Variants in XKR7 observed in about 807,000 individuals in gnomAD.
XKR7 encodes XK related 7.
In XKR7, 11 loss-of-function variants were observed where a neutral mutation model predicts 42.2. The observed-to-expected ratio is 0.26, with a 90% CI of 0.16 to 0.43. XKR7 has a LOEUF of 0.43. Ranked by LOEUF, XKR7 falls within the 20% of genes least tolerant of loss-of-function variation. The pLI is 1.00. For missense variants in XKR7, 710 were observed against 802.2 expected (o/e 0.89, Z 1.39); for synonymous variants, 346 against 366.4 (o/e 0.94, Z 0.64).
At chr20:31,990,881 G>T (rs1262509127) in intron 1 of XKR7, among the ~76,000 whole-genome samples, 1 of 151,944 alleles carries the variant, frequency 6.6e-6, no homozygotes, top group Admixed American at 6.6e-5. Context: ...CCACAGTTTT[G>T]CTCCTGTTGC....
intron 1 of XKR7, chr20:31,970,639 G>A (rs2064461067): frequency 6.6e-6 from 1 of 152,168 alleles, no homozygotes. Flanking sequence ...TAAAAACCCA[G>A]AGTCGTAGCT....
chr20:31,990,920 G>A (rs2064567853), intron 1 of XKR7, among the ~76,000 whole-genome samples: 1 of 152,124 alleles, frequency 6.6e-6, no homozygotes, highest in African/African-American at 2.4e-5. Flanking sequence ...GCAGAACCCA[G>A]GCCTTTTATC....
At chr20:31,984,325 C>T (rs2064527617) in intron 1 of XKR7, among the ~76,000 whole-genome samples, 1 of 151,528 alleles carries the variant, frequency 6.6e-6, no homozygotes, top group South Asian at 2.1e-4. Flanking sequence ...GATCCCCCTG[C>T]TGTTGTGTGA....
At chr20:31,979,177 C>T (rs2064499808) in intron 1 of XKR7, among the ~76,000 whole-genome samples, 1 of 151,648 alleles carries the variant, frequency 6.6e-6, no homozygotes, top group Non-Finnish European at 1.5e-5. Flanking sequence ...ACTGCTATCA[C>T]ACCTACAAAA....
At chr20:31,994,358 C>T (rs913799882) in intron 1 of XKR7, among the ~76,000 whole-genome samples, 1 of 152,162 alleles carries the variant, frequency 6.6e-6, no homozygotes, top group African/African-American at 2.4e-5. Flanking sequence ...TCTACTGCTT[C>T]CTAGCTGTGT....
chr20:31,983,402 G>T (rs1240778885), intron 1 of XKR7, among the ~76,000 whole-genome samples: 5 of 152,228 alleles, frequency 3.3e-5, no homozygotes, highest in Non-Finnish European at 4.4e-5. Context: ...GGGGTTACAG[G>T]CAGTGGTGAG....
chr20:31,971,559 C>T (rs977994396), intron 1 of XKR7, among the ~76,000 whole-genome samples: 2 of 152,174 alleles, frequency 1.3e-5, no homozygotes, highest in Non-Finnish European at 2.9e-5. Flanking sequence ...CATTTGCTTA[C>T]CACGTGAGAT....
At position 31,968,877 on chromosome 20, in the gene XKR7, C is replaced by A. The variant is rs148758252; in HGVS notation, c.584+118C>A. On this transcript the variant is annotated intron_variant, in intron 1 of 2. Transcript: ENST00000562532. This position sits in a 1 kb window ranked among gnomAD's most constrained non-coding sequence, Gnocchi z 4.5. Reference sequence around the variant, plus strand: ...CTACCCTCCTGTCCTGACCTCCCCCCCTCCCCACCCCATTGCAGCTCTAAT... The same window carrying A: ...CTACCCTCCTGTCCTGACCTCCCCCACTCCCCACCCCATTGCAGCTCTAAT... 39 of 1,381,316 alleles carry A rather than the reference C, an allele frequency of 2.8e-5. No homozygotes were observed. The highest frequency in any genetic ancestry group is 2.6e-4 in the Middle Eastern group (1 of 3,778). The allele number at this position is 1,381,316 out of a possible 1,614,324, so 85.6% of individuals were successfully genotyped here.
chr20:31,987,586 A>C (rs1223244502), intron 1 of XKR7, among the ~76,000 whole-genome samples: 1 of 152,058 alleles, frequency 6.6e-6, no homozygotes, highest in Non-Finnish European at 1.5e-5. Flanking sequence ...CCCCAGTATC[A>C]AGACACAGAC....
At chr20:31,976,326 A>G (rs1477354748) in intron 1 of XKR7, among the ~76,000 whole-genome samples, 1 of 152,252 alleles carries the variant, frequency 6.6e-6, no homozygotes, top group Non-Finnish European at 1.5e-5. Context: ...ATTCTTACAA[A>G]CAATCAATCA....
At position 31,968,270 on chromosome 20, in the gene XKR7, A is replaced by AGGCGGC; in HGVS notation, c.105_110dup (p.Ala36_Ala37dup). 2 of 1,157,112 alleles carry AGGCGGC rather than the reference A, an allele frequency of 1.7e-6. No individual in the cohort carries two copies. The highest frequency in any genetic ancestry group is 2.1e-6 in the Non-Finnish European group (2 of 941,290). The allele number at this position is 1,157,112 out of a possible 1,614,324, so 71.7% of individuals were successfully genotyped here. A position where few individuals can be genotyped will look rare whatever the true frequency, so the allele number is the denominator to read the frequency against. ...CGGGGCAGTGCCGGCGGGCGCGGGG[A>AGGCGGC]GGCGGCGGCGGCGGCCGGGCCCCCG... On this transcript the variant is annotated inframe_insertion, in exon 1 of 3. Transcript: ENST00000562532. This position sits in a 1 kb window ranked among gnomAD's most constrained non-coding sequence, Gnocchi z 4.5.
chr20:31,976,793 C>T (rs757278667), intron 1 of XKR7, among the ~76,000 whole-genome samples: 1 of 152,196 alleles, frequency 6.6e-6, no homozygotes, highest in Non-Finnish European at 1.5e-5. Flanking sequence ...TCCTTTTTAC[C>T]CCACAGCACT....
intron 1 of XKR7, among the ~76,000 whole-genome samples, chr20:31,984,067 G>A (rs1005216980): frequency 6.6e-6 from 1 of 151,752 alleles, no homozygotes; most frequent in Non-Finnish European, 1.5e-5. Context: ...TTTGAGACCA[G>A]CCTGACCAAC....
rs562612442 is a variant in XKR7, at chr20:31,980,872, G to A, written c.584+12113G>A. 3.4e-4 allele frequency among the ~76,000 whole-genome samples: 51 copies of A among 151,884 alleles called. No individual in the cohort carries two copies. In the South Asian group the frequency reaches 3.5e-3, roughly 11 times the overall value. On this transcript the variant is annotated intron_variant, in intron 1 of 2. Transcript: ENST00000562532. ...AGCTCAGGAGTTCGAGACCAGCCTG[G>A]GCAACGTAGAGAGACCTTATCTCTA...
chr20:31,997,608 A>T lies in XKR7; in HGVS notation c.*151A>T. The T allele has an allele frequency of 1.3e-6, 1 of 763,476 alleles. No individual in the cohort carries two copies. The highest frequency in any genetic ancestry group is 1.9e-5 in the South Asian group (1 of 52,584). 47.3% of individuals were successfully genotyped at this position (763,476 alleles called of 1,614,324 possible). On this transcript the variant is annotated 3_prime_UTR_variant, in exon 3 of 3. Coordinates refer to ENST00000562532, the MANE Select transcript of XKR7 (RefSeq NM_001011718.2). ...CCCCACTCTTGGGTTCTTTCAGGGG[A>T]GGGGGCAGCCTTGCGGAGGCCCCAG... is the stretch of plus-strand genomic sequence containing the variant.
rs1397104173 is a variant in XKR7, at chr20:31,999,832, C to T, written c.*2375C>T. 1 of 152,270 alleles carries T rather than the reference C, an allele frequency of 6.6e-6. No homozygotes were observed. The highest frequency in any genetic ancestry group is 1.5e-5 in the Non-Finnish European group (1 of 68,114). The allele number at this position is 152,270 out of a possible 1,614,324, so 9.4% of individuals were successfully genotyped here. On this transcript the variant is annotated 3_prime_UTR_variant, in exon 3 of 3. Transcript: ENST00000562532. ...ACCCTTGGCAAGTTATTCTCCTCCC[C>T]AGTATCCCAGAATGGCCCATCTGGC...
At position 32,000,968 on chromosome 20, in the gene XKR7, C is replaced by T. The variant is rs996923147; in HGVS notation, c.*3511C>T. ...AATCTGCCTTACCCCCAGCCAGCTCCCTGCTACACCTGTGTCCCACAGAGG... is the reference window on the plus strand; with the variant it reads ...AATCTGCCTTACCCCCAGCCAGCTCTCTGCTACACCTGTGTCCCACAGAGG... On this transcript the variant is annotated 3_prime_UTR_variant, in exon 3 of 3. Coordinates refer to ENST00000562532, the MANE Select transcript of XKR7 (RefSeq NM_001011718.2). 6.6e-6 allele frequency: 1 copy of T among 152,378 alleles called. No individual in the cohort carries two copies. Among genetic ancestry groups the T allele is most frequent in the African/African-American group, 2.4e-5 (1 of 41,472 alleles). The allele number at this position is 152,378 out of a possible 1,614,324, so 9.4% of individuals were successfully genotyped here. A position where few individuals can be genotyped will look rare whatever the true frequency, so the allele number is the denominator to read the frequency against.
chr20:31,984,649 C>T (rs1330027432), intron 1 of XKR7, among the ~76,000 whole-genome samples: 1 of 152,188 alleles, frequency 6.6e-6, no homozygotes, highest in Non-Finnish European at 1.5e-5. Context: ...TGCCTGTCTC[C>T]CAGTTTTCTC....
rs77323441 is a variant in XKR7, at chr20:31,978,845, C to T, written c.584+10086C>T. Among the ~76,000 whole-genome samples, 1,486 of 152,236 alleles carry T rather than the reference C, an allele frequency of 9.8e-3. 18 individuals are homozygous for T. Among genetic ancestry groups the T allele is most frequent in the Non-Finnish European group, 0.018 (1,191 of 68,018 alleles). On this transcript the variant is annotated intron_variant, in intron 1 of 2. Transcript: ENST00000562532. ...CTAAAAAGATAGACTTCAAAAACAT[C>T]GCTAAGTTGCTGGGCATGGTGGCTC...
Sources: gnomAD v4.1 joint callset for allele counts (sites outside exome capture counted in the v4.1 genomes callset) on GRCh38, gnomAD v4.1.1 for gene constraint, Gnocchi (gnomAD v3.1) non-coding constraint, MANE v1.5 for transcripts, NCBI Gene and HGNC (gene_info 2026-07-23, HGNC 2026-07-21) for gene names.